CCNY: variants seen among roughly 807,000 people sequenced by gnomAD.
The protein encoded by CCNY is cyclin-Y.
A neutral mutation model predicts 42.8 loss-of-function variants in CCNY; 19 were observed. The observed-to-expected ratio is 0.44, with a 90% CI of 0.31 to 0.65. The LOEUF (loss-of-function observed/expected upper bound fraction) is 0.65, where lower values mean the gene tolerates loss of function less well. Among genes scored for constraint, CCNY ranks in the 30% least tolerant of loss-of-function variants. The pLI, the probability that CCNY is intolerant of heterozygous loss-of-function variation, is 0.07. For missense variants in CCNY, 370 were observed against 437.3 expected (o/e 0.85, Z 1.37); for synonymous variants, 165 against 162.7 (o/e 1.01, Z -0.11).
In CCNY at chr10:35,247,661, C is replaced by T. The variant is rs953351547; in HGVS notation, c.-216-448C>T. On this transcript the variant is annotated intron_variant, in intron 1 of 11. Transcript: ENST00000374706. ...GGAGGCTGAGGCGGGCGGATCACAACGTCAGGAGATCGAGACCATCCTGGC... is the reference window on the plus strand; with the variant it reads ...GGAGGCTGAGGCGGGCGGATCACAATGTCAGGAGATCGAGACCATCCTGGC... Among the ~76,000 whole-genome samples, 4 of 150,944 alleles carry T rather than the reference C, an allele frequency of 2.6e-5. No homozygotes were observed. In the South Asian group the frequency reaches 6.3e-4, roughly 24 times the overall value.
chr10:35,474,834 C>T (rs1248002411), intron 1 of CCNY, among the ~76,000 whole-genome samples: 5 of 152,060 alleles, frequency 3.3e-5, no homozygotes, highest in African/African-American at 1.2e-4. Flanking sequence ...AGTCTTCAGA[C>T]GATCAAAATA....
chr10:35,452,165 T>C (rs1047073107), intron 1 of CCNY, among the ~76,000 whole-genome samples: 17 of 152,310 alleles, frequency 1.1e-4, no homozygotes, highest in Non-Finnish European at 2.1e-4. Context: ...TAAATAATGA[T>C]TTTTACATAT....
intron 3 of CCNY, among the ~76,000 whole-genome samples, chr10:35,323,538 T>A (rs561238130): frequency 8.1e-4 from 124 of 152,276 alleles, no homozygotes; most frequent in African/African-American, 2.9e-3. Context: ...CACAAGAGTC[T>A]ATACATTTTA....
chr10:35,526,309 T>A (rs1039553087), intron 5 of CCNY, among the ~76,000 whole-genome samples: 9 of 152,228 alleles, frequency 5.9e-5, no homozygotes, highest in Non-Finnish European at 1.3e-4. Flanking sequence ...TTGTAAAATG[T>A]CACTTTAAAA....
intron 3 of CCNY, among the ~76,000 whole-genome samples, chr10:35,316,770 T>C (rs1480904718): frequency 2.6e-5 from 4 of 152,206 alleles, no homozygotes; most frequent in Admixed American, 2.6e-4. Context: ...CAAAATAGCA[T>C]ATTAAAATCA....
chr10:35,390,630 G>A (rs1837394197), intron 1 of CCNY, among the ~76,000 whole-genome samples: 1 of 152,112 alleles, frequency 6.6e-6, no homozygotes, highest in Non-Finnish European at 1.5e-5. Flanking sequence ...CCTTAGAGTT[G>A]CAGTCTCATT....
At chr10:35,257,181 TTCTC>T in intron 3 of CCNY, among the ~76,000 whole-genome samples, 1 of 150,990 alleles carries the variant, frequency 6.6e-6, no homozygotes, top group Non-Finnish European at 1.5e-5. Flanking sequence ...CTAGTGGTAA[TTCTC>T]TCTTTCTTTT....
chr10:35,499,422 A>G (rs564369214), intron 2 of CCNY, among the ~76,000 whole-genome samples: 1 of 152,238 alleles, frequency 6.6e-6, no homozygotes, highest in African/African-American at 2.4e-5. Context: ...ATTACCTTCC[A>G]CCAGGTCCCT....
At chr10:35,310,180 T>A (rs1358110318) in intron 3 of CCNY, among the ~76,000 whole-genome samples, 1 of 152,230 alleles carries the variant, frequency 6.6e-6, no homozygotes, top group Non-Finnish European at 1.5e-5. Flanking sequence ...ATGTGGTATT[T>A]GTCTTTCTGT....
intron 1 of CCNY, among the ~76,000 whole-genome samples, chr10:35,400,941 G>T (rs962739178): frequency 2.0e-5 from 3 of 151,934 alleles, no homozygotes; most frequent in Non-Finnish European, 2.9e-5. Flanking sequence ...CTTTTTTTTT[G>T]AGAGAGAAAT....
At chr10:35,339,800 A>G (rs1445875557) in intron 1 of CCNY, among the ~76,000 whole-genome samples, 2 of 152,176 alleles carry the variant, frequency 1.3e-5, no homozygotes, top group Admixed American at 1.3e-4. Context: ...TTAGGTGTCT[A>G]TGGTGCTTAA....
chr10:35,457,492 C>G (rs1005432474), intron 1 of CCNY, among the ~76,000 whole-genome samples: 3 of 152,200 alleles, frequency 2.0e-5, no homozygotes, highest in African/African-American at 7.2e-5. Flanking sequence ...TACTTGAAAT[C>G]AGTTGCAATG....
intron 1 of CCNY, among the ~76,000 whole-genome samples, chr10:35,357,670 G>A (rs1461362644): frequency 1.3e-5 from 2 of 152,166 alleles, no homozygotes; most frequent in African/African-American, 2.4e-5. Context: ...TCATATTCTA[G>A]GTTTCTTCAG....
At chr10:35,424,225 T>TA (rs746619325) in intron 1 of CCNY, among the ~76,000 whole-genome samples, 1 of 152,186 alleles carries the variant, frequency 6.6e-6, no homozygotes, top group Non-Finnish European at 1.5e-5. Context: ...GTTTTTTTCT[T>TA]TTCTTTTCTT....
intron 7 of CCNY, among the ~76,000 whole-genome samples, chr10:35,541,316 ATAT>A (rs1483270259): frequency 2.6e-5 from 4 of 152,164 alleles, no homozygotes; most frequent in East Asian, 3.8e-4. Context: ...AACATCTATA[ATAT>A]TATAAAATTA....
intron 3 of CCNY, among the ~76,000 whole-genome samples, chr10:35,330,547 G>T (rs568916090): frequency 1.3e-5 from 2 of 152,102 alleles, no homozygotes; most frequent in Non-Finnish European, 2.9e-5. Flanking sequence ...TGGCTAGATC[G>T]GGATTACATT....
intron 1 of CCNY, among the ~76,000 whole-genome samples, chr10:35,377,533 G>A (rs1837080659): frequency 6.6e-6 from 1 of 152,090 alleles, no homozygotes; most frequent in South Asian, 2.1e-4. Context: ...ACTCTATGAC[G>A]TTTGCACAGC....
chr10:35,308,782 C>G (rs767733161), intron 3 of CCNY, among the ~76,000 whole-genome samples: 5 of 152,086 alleles, frequency 3.3e-5, no homozygotes, highest in Non-Finnish European at 7.4e-5. Context: ...GCGGATGTGA[C>G]CTGGTGAGGG....
At chr10:35,465,114 T>G (rs1839230236) in intron 1 of CCNY, among the ~76,000 whole-genome samples, 1 of 152,216 alleles carries the variant, frequency 6.6e-6, no homozygotes, top group African/African-American at 2.4e-5. Context: ...TTTTCTTTCC[T>G]TAAGTTGTTG....
Sources: gnomAD v4.1 joint callset for allele counts (sites outside exome capture counted in the v4.1 genomes callset) on GRCh38, gnomAD v4.1.1 for gene constraint, MANE v1.5 for transcripts, NCBI Gene and HGNC (gene_info 2026-07-23, HGNC 2026-07-21) for gene names.